TDRD1: variants seen among roughly 807,000 people sequenced by gnomAD.
The protein encoded by TDRD1 is tudor domain-containing protein 1.
Under a neutral mutation model 140.6 loss-of-function variants are expected in TDRD1, and 37 were observed. That is an observed-to-expected ratio of 0.26 (90% CI 0.20 to 0.35). The LOEUF (loss-of-function observed/expected upper bound fraction) is 0.35, where lower values mean the gene tolerates loss of function less well. Ranked by LOEUF, TDRD1 falls within the 10% of genes least tolerant of loss-of-function variation. The pLI is 1.00. For synonymous variants in TDRD1, 506 were observed against 475.7 expected, an observed-to-expected ratio of 1.06 and a Z score of -0.83; for missense variants, 1,243 against 1,393.0, an observed-to-expected ratio of 0.89 and a Z score of 1.71.
chr10:114,180,954 T>C (rs1171218821), intron 1 of TDRD1, among the ~76,000 whole-genome samples: 5 of 152,152 alleles, frequency 3.3e-5, no homozygotes, highest in Middle Eastern at 3.2e-3. Flanking sequence ...CTATTCATAG[T>C]GTATCTTAGG....
At chr10:114,209,086 AT>A (rs2133045588) in intron 11 of TDRD1, among the ~76,000 whole-genome samples, 1 of 152,130 alleles carries the variant, frequency 6.6e-6, no homozygotes, top group East Asian at 1.9e-4. Context: ...GCCAGATATA[AT>A]TTTTAAAAGC....
intron 2 of TDRD1, among the ~76,000 whole-genome samples, chr10:114,189,405 G>A (rs2033795444): frequency 6.6e-6 from 1 of 152,134 alleles, no homozygotes; most frequent in African/African-American, 2.4e-5. Context: ...TACCTGGCAA[G>A]CATTTTCTCA....
chr10:114,230,420 A>G (rs1262781282), intron 25 of TDRD1, among the ~76,000 whole-genome samples: 2 of 152,196 alleles, frequency 1.3e-5, no homozygotes, highest in Non-Finnish European at 2.9e-5. Context: ...TTTACAAAGC[A>G]TTTTTACATC....
intron 21 of TDRD1, among the ~76,000 whole-genome samples, chr10:114,224,212 G>A (rs995827856): frequency 2.0e-5 from 3 of 152,226 alleles, no homozygotes; most frequent in African/African-American, 7.2e-5. Context: ...ATTCTAGATT[G>A]GAAATGGTTT....
In TDRD1 at chr10:114,202,196, G is replaced by C. The variant is rs764016604; in HGVS notation, c.636-42G>C. The stretch of plus-strand genomic sequence containing the variant: ...GTGGTTGATAGCCCCTATGTTAATT[G>C]CCTCTGTAGTATAAATATTGTAATC... On this transcript the variant is annotated intron_variant, in intron 5 of 25. Transcript: ENST00000251864. 1.1e-5 allele frequency: 16 copies of C among 1,492,962 alleles called. No individual in the cohort carries two copies. The South Asian group carries it at 1.7e-4, about 16-fold the overall frequency. The allele number at this position is 1,492,962 out of a possible 1,614,324, so 92.5% of individuals were successfully genotyped here. A position where few individuals can be genotyped will look rare whatever the true frequency, so the allele number is the denominator to read the frequency against.
intron 1 of TDRD1, among the ~76,000 whole-genome samples, chr10:114,187,369 C>T (rs2120144600): frequency 6.6e-6 from 1 of 152,082 alleles, no homozygotes; most frequent in Non-Finnish European, 1.5e-5. Flanking sequence ...GAGGGTTCAG[C>T]ATATTCAAGG....
At chr10:114,198,419 G>A (rs542011707) in intron 3 of TDRD1, among the ~76,000 whole-genome samples, 55 of 152,290 alleles carry the variant, frequency 3.6e-4, no homozygotes, top group Admixed American at 7.8e-4. Context: ...TAAAGTGCTG[G>A]CACCCTATTC....
In TDRD1 at chr10:114,190,955, C is replaced by T. The variant is rs771533491; in HGVS notation, c.326-6C>T. ...TTTTATTTGAAATTGTGTTTTTCCT[C>T]CCCAGGAAACTCAGTGTCACCACCA... is the stretch of plus-strand genomic sequence containing the variant. On this transcript the variant is annotated splice_polypyrimidine_tract_variant and splice_region_variant and intron_variant, in intron 2 of 25. Transcript: ENST00000251864. 48 of 1,613,458 alleles carry T rather than the reference C, an allele frequency of 3.0e-5. No homozygotes were observed. The South Asian group carries it at 5.2e-4, about 17-fold the overall frequency.
At chr10:114,199,548 A>G (rs746235013) in intron 4 of TDRD1, among the ~76,000 whole-genome samples, 2 of 152,190 alleles carry the variant, frequency 1.3e-5, no homozygotes, top group Non-Finnish European at 2.9e-5. Flanking sequence ...GCTCACATGC[A>G]ATGAAATGCA....
intron 1 of TDRD1, among the ~76,000 whole-genome samples, chr10:114,181,464 T>C (rs1564928143): frequency 6.6e-6 from 1 of 152,228 alleles, no homozygotes; most frequent in Non-Finnish European, 1.5e-5. Flanking sequence ...TATTATGCCA[T>C]AGGGCCTGCC....
At chr10:114,201,329 A>T in intron 4 of TDRD1, 81 bp from the exon 5 acceptor site, 1 of 1,124,526 alleles carries the variant, frequency 8.9e-7, no homozygotes, top group Non-Finnish European at 1.3e-6. Context: ...GCCATGGCTA[A>T]TAGAATGATA....
In TDRD1 at chr10:114,231,823, G is replaced by T. The variant is rs548080246; in HGVS notation, c.*306G>T. ...TACCGAAGGAAGGCCAGGTGCAGTG[G>T]CTCACGCCCAGCACTTTGGGAGGCT... On this transcript the variant is annotated 3_prime_UTR_variant, in exon 26 of 26. Transcript: ENST00000251864. The T allele has an allele frequency of 2.1e-5, 6 of 282,680 alleles. No homozygotes were observed. In the East Asian group the frequency reaches 4.5e-4, roughly 21 times the overall value. 17.5% of individuals were successfully genotyped at this position (282,680 alleles called of 1,614,324 possible). A position where few individuals can be genotyped will look rare whatever the true frequency, so the allele number is the denominator to read the frequency against.
At chr10:114,213,984 G>A in exon 16 of TDRD1, 1 of 1,613,864 alleles carries the variant, frequency 6.2e-7, no homozygotes, top group Non-Finnish European at 8.5e-7. Flanking sequence ...CAGTTCCCTT[G>A]GGTGTGGAAG....
chr10:114,213,415 A>G (rs752224063), exon 15 of TDRD1: 3 of 1,614,066 alleles, frequency 1.9e-6, no homozygotes, highest in East Asian at 4.5e-5. Flanking sequence ...GTACAGAACA[A>G]AATAATCACA....
chr10:114,175,698 G>A (rs979230544), upstream of TDRD1, among the ~76,000 whole-genome samples: 1 of 152,156 alleles, frequency 6.6e-6, no homozygotes, highest in Non-Finnish European at 1.5e-5. Flanking sequence ...GAAAAGCAAA[G>A]ATAACATGAA....
intron 25 of TDRD1, chr10:114,228,344 G>A (rs1266100057): frequency 2.3e-6 from 3 of 1,300,610 alleles, no homozygotes; most frequent in East Asian, 3.2e-5. Context: ...ACCCCCAGGG[G>A]TATTCCAGTT....
chr10:114,218,613 A>G (rs765863307), intron 18 of TDRD1, 29 bp downstream of exon 18: 24 of 1,475,246 alleles, frequency 1.6e-5, no homozygotes, highest in Non-Finnish European at 2.0e-5. Flanking sequence ...AACTTTCTCA[A>G]CTTTCTAATA....
intron 25 of TDRD1, among the ~76,000 whole-genome samples, chr10:114,230,560 T>G (rs1287084696): frequency 6.6e-6 from 1 of 152,208 alleles, no homozygotes; most frequent in Admixed American, 6.5e-5. Context: ...CACTAGGTCT[T>G]ACGACTTAAA....
rs368545965 is a variant in TDRD1 at position 114,203,021 on chromosome 10, T to C, written c.697-51T>C. 1.7e-4 allele frequency: 218 copies of C among 1,253,322 alleles called. 1 individual carries two copies. In the African/African-American group the frequency reaches 2.9e-3, roughly 17 times the overall value. 77.6% of individuals were successfully genotyped at this position (1,253,322 alleles called of 1,614,324 possible). A position where few individuals can be genotyped will look rare whatever the true frequency, so the allele number is the denominator to read the frequency against. On this transcript the variant is annotated intron_variant, in intron 6 of 25. Coordinates refer to ENST00000251864, the Ensembl canonical transcript of TDRD1. The stretch of plus-strand genomic sequence containing the variant: ...CCGACGTGTAGTGGCCATAGAATCA[T>C]TGAAACATGTGCTTTTAAGTAACTC...
Sources: allele counts gnomAD v4.1 joint callset (sites outside exome capture counted in the v4.1 genomes callset), GRCh38; gene constraint gnomAD v4.1.1; transcripts MANE v1.5; gene names NCBI Gene and HGNC (gene_info 2026-07-23, HGNC 2026-07-21).